The following EXOC4 variants were observed in gnomAD, a reference collection of about 807,000 sequenced individuals.
EXOC4 encodes the protein exocyst complex component 4, also known as SEC8-like 1.
A neutral mutation model predicts 107.2 loss-of-function variants in EXOC4; 71 were observed. The observed-to-expected ratio is 0.66, with a 90% CI of 0.55 to 0.81. The LOEUF (loss-of-function observed/expected upper bound fraction) is 0.81. Among genes scored for constraint, EXOC4 ranks in the 30% least tolerant of loss-of-function variants. EXOC4 has a pLI of 0.00. For synonymous variants in EXOC4, 456 were observed against 441.2 expected, an observed-to-expected ratio of 1.03 and a Z score of -0.42; for missense variants, 1,108 against 1,189.6, an observed-to-expected ratio of 0.93 and a Z score of 1.01.
chr7:133,676,684 G>A (rs1794064685), intron 10 of EXOC4, among the ~76,000 whole-genome samples: 1 of 151,786 alleles, frequency 6.6e-6, no homozygotes, highest in Non-Finnish European at 1.5e-5. Flanking sequence ...TTTCCCCAAG[G>A]CATTCTTTTC....
At chr7:133,978,798 A>G (rs1793903045) in intron 14 of EXOC4, among the ~76,000 whole-genome samples, 1 of 152,160 alleles carries the variant, frequency 6.6e-6, no homozygotes, top group Non-Finnish European at 1.5e-5. Flanking sequence ...GTAAGAAGAG[A>G]ATCCTGCCTT....
intron 9 of EXOC4, among the ~76,000 whole-genome samples, chr7:133,561,890 C>T (rs1430786945): frequency 1.3e-5 from 2 of 152,244 alleles, no homozygotes; most frequent in African/African-American, 4.8e-5. Flanking sequence ...GCTCCTGCCA[C>T]CCGCCACCCA....
rs141661601 is a variant in EXOC4 at position 133,848,413 on chromosome 7, C to T, written c.1734+30869C>T. 3.7e-3 allele frequency among the ~76,000 whole-genome samples: 561 copies of T among 152,276 alleles called. 2 individuals are homozygous for T. Among genetic ancestry groups the T allele is most frequent in the African/African-American group, 0.013 (541 of 41,544 alleles). On this transcript the variant is annotated intron_variant, in intron 11 of 17. Transcript: ENST00000253861. ...ATGTTCAACTTGCCAAGATTTGATA[C>T]ACTCAAGGGACATCATATTATGACT... is the stretch of plus-strand genomic sequence containing the variant.
intron 10 of EXOC4, among the ~76,000 whole-genome samples, chr7:133,702,625 C>G (rs1794690953): frequency 6.6e-6 from 1 of 151,708 alleles, no homozygotes; most frequent in African/African-American, 2.4e-5. Context: ...TGCACCCAGC[C>G]TGTATTTTAT....
At chr7:133,647,245 T>C (rs1406205043) in intron 10 of EXOC4, among the ~76,000 whole-genome samples, 2 of 152,146 alleles carry the variant, frequency 1.3e-5, no homozygotes, top group South Asian at 2.1e-4. Context: ...AGTCTGGGCA[T>C]GTTAGGATAA....
intron 17 of EXOC4, among the ~76,000 whole-genome samples, chr7:134,025,478 G>A (rs952251931): frequency 3.3e-5 from 5 of 152,202 alleles, no homozygotes; most frequent in Admixed American, 1.3e-4. Context: ...TCTCTTAGTT[G>A]AGCAGATTGA....
intron 12 of EXOC4, among the ~76,000 whole-genome samples, chr7:133,916,462 T>C (rs984154948): frequency 1.3e-5 from 2 of 151,490 alleles, no homozygotes; most frequent in Admixed American, 6.6e-5. Context: ...GTAGAGAAGG[T>C]CAATCTGTGT....
At chr7:133,784,300 G>T (rs1254725776) in intron 10 of EXOC4, among the ~76,000 whole-genome samples, 1 of 152,112 alleles carries the variant, frequency 6.6e-6, no homozygotes, top group African/African-American at 2.4e-5. Flanking sequence ...ATGCACCTTT[G>T]ATATCTTAAT....
rs746876140 is a variant in EXOC4, at chr7:133,468,641, T to C, written c.1183-6687T>C. ...TGAGACATCCTCCATTGGGTAAGAC[T>C]ATACTTTCTGCTTGGGCTCTTCCCT... On this transcript the variant is annotated intron_variant, in intron 7 of 17. Coordinates refer to ENST00000253861, the MANE Select transcript of EXOC4 (RefSeq NM_021807.4). 2.1e-4 allele frequency among the ~76,000 whole-genome samples: 32 copies of C among 152,260 alleles called. 1 individual carries two copies. The highest frequency in any genetic ancestry group is 7.8e-4 in the Admixed American group (12 of 15,294).
intron 10 of EXOC4, among the ~76,000 whole-genome samples, chr7:133,742,143 G>T (rs1404838459): frequency 6.6e-6 from 1 of 152,126 alleles, no homozygotes; most frequent in Non-Finnish European, 1.5e-5. Flanking sequence ...TTTTCAGTCT[G>T]ATGATTTTTT....
chr7:133,988,276 T>C (rs1243573287), intron 14 of EXOC4, among the ~76,000 whole-genome samples: 1 of 152,212 alleles, frequency 6.6e-6, no homozygotes, highest in East Asian at 1.9e-4. Context: ...AGAAACAGGC[T>C]ATAATGAACT....
At chr7:133,507,876 G>C (rs1035314653) in intron 9 of EXOC4, among the ~76,000 whole-genome samples, 2 of 152,066 alleles carry the variant, frequency 1.3e-5, no homozygotes, top group African/African-American at 4.8e-5. Context: ...AGCTGTGCCA[G>C]CATGGTGAAA....
intron 17 of EXOC4, among the ~76,000 whole-genome samples, chr7:134,010,651 A>C (rs1585319546): frequency 6.6e-6 from 1 of 152,326 alleles, no homozygotes; most frequent in Non-Finnish European, 1.5e-5. Context: ...GCAATGTTTA[A>C]TCAAGCATGG....
At chr7:133,459,703 A>G (rs913072361) in intron 7 of EXOC4, among the ~76,000 whole-genome samples, 2 of 152,166 alleles carry the variant, frequency 1.3e-5, no homozygotes, top group African/African-American at 4.8e-5. Context: ...TACTGATAGA[A>G]TTGGGCTGTT....
intron 9 of EXOC4, among the ~76,000 whole-genome samples, chr7:133,561,103 G>C (rs1800796196): frequency 6.6e-6 from 1 of 152,162 alleles, no homozygotes; most frequent in Non-Finnish European, 1.5e-5. Context: ...TTTGACGTCA[G>C]TTTGTTCCCT....
intron 14 of EXOC4, among the ~76,000 whole-genome samples, chr7:133,969,905 C>CAGGAACATTT: frequency 6.6e-6 from 1 of 152,356 alleles, no homozygotes; most frequent in Non-Finnish European, 1.5e-5. Flanking sequence ...AGCTGGCAGG[C>CAGGAACATTT]AGGAACATTT....
chr7:133,652,448 T>A (rs951323817), intron 10 of EXOC4, among the ~76,000 whole-genome samples: 55 of 146,684 alleles, frequency 3.7e-4, no homozygotes, highest in Non-Finnish European at 5.2e-4. Flanking sequence ...ATTTTTTTTT[T>A]TAAAAAAAAC....
At chr7:133,708,004 A>G (rs751406255) in intron 10 of EXOC4, among the ~76,000 whole-genome samples, 12 of 152,170 alleles carry the variant, frequency 7.9e-5, no homozygotes, top group Non-Finnish European at 8.8e-5. Flanking sequence ...AAATACCAGA[A>G]ATTTTTAAGG....
chr7:133,593,989 TTAAAG>T (rs1275316979), intron 9 of EXOC4, among the ~76,000 whole-genome samples: 24 of 152,308 alleles, frequency 1.6e-4, no homozygotes, highest in African/African-American at 3.6e-4. Context: ...TAGCTGTAGA[TTAAAG>T]TAATGTTCTT....
Sources: allele counts gnomAD v4.1 joint callset (sites outside exome capture counted in the v4.1 genomes callset), GRCh38; gene constraint gnomAD v4.1.1; transcripts MANE v1.5; gene names NCBI Gene and HGNC (gene_info 2026-07-23, HGNC 2026-07-21).